Variants in HOOK3 observed in about 807,000 individuals in gnomAD.
The protein encoded by HOOK3 is protein Hook homolog 3.
HOOK3 carries 24 observed loss-of-function variants against 116.3 expected under a neutral mutation model. The observed-to-expected ratio is 0.21, with a 90% CI of 0.15 to 0.29. HOOK3 has a LOEUF of 0.29. Among genes scored for constraint, HOOK3 ranks in the 10% least tolerant of loss-of-function variants. The probability of loss-of-function intolerance (pLI) is 1.00; values close to 1 mark genes in which losing one functional copy is unlikely to be tolerated. For missense variants in HOOK3, 632 were observed against 830.2 expected (o/e 0.76, Z 2.93); for synonymous variants, 275 against 283.0 (o/e 0.97, Z 0.28).
intron 5 of HOOK3, among the ~76,000 whole-genome samples, chr8:42,948,532 C>T (rs1325662220): frequency 6.6e-6 from 1 of 152,186 alleles, no homozygotes; most frequent in Admixed American, 6.5e-5. Flanking sequence ...TAACCCCTCA[C>T]CCCTCGAGTC....
chr8:42,947,134 T>C (rs1434173224), intron 5 of HOOK3, among the ~76,000 whole-genome samples: 1 of 152,178 alleles, frequency 6.6e-6, no homozygotes. Context: ...AATATGGAAT[T>C]TTCTGCAGTT....
intron 17 of HOOK3, among the ~76,000 whole-genome samples, chr8:43,003,684 G>C (rs1809419815): frequency 6.6e-6 from 1 of 152,180 alleles, no homozygotes; most frequent in Admixed American, 6.5e-5. Context: ...GAAGAACCAA[G>C]GTGGCAGCAG....
At chr8:43,016,405 C>A (rs1422693881) in intron 21 of HOOK3, among the ~76,000 whole-genome samples, 1 of 152,180 alleles carries the variant, frequency 6.6e-6, no homozygotes, top group Non-Finnish European at 1.5e-5. Flanking sequence ...CAGGCATGAG[C>A]CACCGCGCCC....
Position 43,020,131 on chromosome 8 carries a change from T to C in HOOK3, c.*1633T>C, listed in dbSNP as rs2130498846. The C allele has an allele frequency of 5.0e-6, 1 of 199,516 alleles. No individual in the cohort carries two copies. The highest frequency in any genetic ancestry group is 2.3e-5 in the African/African-American group (1 of 43,520). The allele number at this position is 199,516 out of a possible 1,614,324, so 12.4% of individuals were successfully genotyped here. The stretch of plus-strand genomic sequence containing the variant: ...TTTGTTTGTCCTCAGAAGCCGTAGT[T>C]GAAGAAAGATATTAGAGTATACACA... On this transcript the variant is annotated 3_prime_UTR_variant, in exon 22 of 22. Transcript: ENST00000307602.
At chr8:42,982,828 T>C in intron 14 of HOOK3, 132 bp downstream of exon 14, 1 of 635,362 alleles carries the variant, frequency 1.6e-6, no homozygotes. Flanking sequence ...AGTGTTAAAT[T>C]TTTATGTTTT....
At chr8:42,950,676 A>G (rs1201537487) in intron 6 of HOOK3, among the ~76,000 whole-genome samples, 1 of 151,946 alleles carries the variant, frequency 6.6e-6, no homozygotes, top group Non-Finnish European at 1.5e-5. Context: ...AGGTATAGAT[A>G]TAACTATTCC....
chr8:42,958,247 C>T (rs928035279), intron 7 of HOOK3, among the ~76,000 whole-genome samples: 2 of 152,204 alleles, frequency 1.3e-5, no homozygotes, highest in Non-Finnish European at 2.9e-5. Flanking sequence ...ACTTCTTTCA[C>T]TTCCTTCTTT....
At position 42,940,989 on chromosome 8, in the gene HOOK3, C is replaced by T. The variant is rs189735893; in HGVS notation, c.268-2324C>T. Among the ~76,000 whole-genome samples the T allele has an allele frequency of 5.2e-3, 785 of 151,900 alleles. 6 individuals carry two copies. Among genetic ancestry groups the T allele is most frequent in the African/African-American group, 0.018 (752 of 41,524 alleles). On this transcript the variant is annotated intron_variant, in intron 4 of 21. Transcript: ENST00000307602. ...TGGAGTCTCACTCTGGCATCCAGGCCGGAGTGAGTGCAGTGGCACGACCTC... is the reference window on the plus strand; with the variant it reads ...TGGAGTCTCACTCTGGCATCCAGGCTGGAGTGAGTGCAGTGGCACGACCTC...
chr8:42,953,274 A>G (rs1212851603), intron 6 of HOOK3, among the ~76,000 whole-genome samples: 3 of 149,672 alleles, frequency 2.0e-5, no homozygotes, highest in African/African-American at 2.4e-5. Flanking sequence ...AAAAAAAAAA[A>G]GTAAAATACG....
intron 2 of HOOK3, among the ~76,000 whole-genome samples, chr8:42,924,886 TCG>T (rs1807731882): frequency 1.3e-5 from 2 of 151,192 alleles, no homozygotes; most frequent in East Asian, 4.0e-4. Flanking sequence ...GGCGGGAGAA[TCG>T]CTTAAACCTG....
chr8:42,961,060 G>T (rs1808525618), intron 8 of HOOK3, among the ~76,000 whole-genome samples: 1 of 152,164 alleles, frequency 6.6e-6, no homozygotes, highest in Admixed American at 6.5e-5. Flanking sequence ...GGAGCAAGGG[G>T]TGGAAAGGTG....
intron 14 of HOOK3, among the ~76,000 whole-genome samples, chr8:42,983,232 G>A (rs1563307318): frequency 6.6e-6 from 1 of 151,784 alleles, no homozygotes; most frequent in Admixed American, 6.6e-5. Flanking sequence ...TACTCGGGAG[G>A]CTGAGGCGGG....
chr8:42,963,205 A>G (rs1489097516), intron 8 of HOOK3, among the ~76,000 whole-genome samples: 1 of 152,118 alleles, frequency 6.6e-6, no homozygotes, highest in Admixed American at 6.6e-5. Context: ...AGTATTCCAT[A>G]TATGAAATTC....
intron 21 of HOOK3, 108 bp downstream of exon 21, chr8:43,013,508 C>A: frequency 1.1e-6 from 1 of 890,252 alleles, no homozygotes; most frequent in Non-Finnish European, 1.6e-6. Context: ...CTGAAAGTAA[C>A]TGCTATCCTA....
intron 1 of HOOK3, among the ~76,000 whole-genome samples, chr8:42,899,189 A>C (rs1807130950): frequency 2.0e-5 from 3 of 152,258 alleles, no homozygotes; most frequent in Admixed American, 2.0e-4. Flanking sequence ...AAATCTTAGA[A>C]GTTTGAAGGC....
intron 18 of HOOK3, among the ~76,000 whole-genome samples, chr8:43,010,043 ATTCT>A (rs1482275398): frequency 6.6e-6 from 1 of 150,996 alleles, no homozygotes; most frequent in East Asian, 1.9e-4. Flanking sequence ...TCCCTCATGG[ATTCT>A]TTATTTATGT....
rs190819692 is a variant in HOOK3 at position 43,000,273 on chromosome 8, T to C, written c.1621-1834T>C. ...TCTTGGCATGGTTTCTGCTCAAGGC[T>C]ATTGTAAGTATGGCTTCCTTTTCAT... On this transcript the variant is annotated intron_variant, in intron 16 of 21. Transcript: ENST00000307602. 9.9e-5 allele frequency: 127 copies of C among 1,286,486 alleles called. 1 individual carries two copies. In the Admixed American group the frequency reaches 2.9e-3, roughly 29 times the overall value. 79.7% of individuals were successfully genotyped at this position (1,286,486 alleles called of 1,614,324 possible). A position where few individuals can be genotyped will look rare whatever the true frequency, so the allele number is the denominator to read the frequency against.
chr8:43,027,399 A>G lies in HOOK3; in HGVS notation c.*8901A>G. 1 of 367,974 alleles carries G rather than the reference A, an allele frequency of 2.7e-6. No homozygotes were observed. The allele number at this position is 367,974 out of a possible 1,614,324, so 22.8% of individuals were successfully genotyped here. A position where few individuals can be genotyped will look rare whatever the true frequency, so the allele number is the denominator to read the frequency against. ...CAAAGAATAGAGAGATTTGCTTATGAGAACATTCTGTCATTTGTTCTGTTT... is the reference window on the plus strand; with the variant it reads ...CAAAGAATAGAGAGATTTGCTTATGGGAACATTCTGTCATTTGTTCTGTTT... On this transcript the variant is annotated 3_prime_UTR_variant, in exon 22 of 22. Transcript: ENST00000307602.
intron 11 of HOOK3, among the ~76,000 whole-genome samples, chr8:42,969,840 G>A (rs1215697059): frequency 6.6e-6 from 1 of 151,750 alleles, no homozygotes; most frequent in African/African-American, 2.4e-5. Flanking sequence ...ATTTCTAAAG[G>A]TTGTTTATAT....
Sources: allele counts gnomAD v4.1 joint callset (sites outside exome capture counted in the v4.1 genomes callset), GRCh38; gene constraint gnomAD v4.1.1; transcripts MANE v1.5; gene names NCBI Gene and HGNC (gene_info 2026-07-23, HGNC 2026-07-21).